Variants in MEIS2 observed in about 807,000 individuals in gnomAD.
MEIS2 encodes the protein Meis homeobox 2.
A neutral mutation model predicts 58.6 loss-of-function variants in MEIS2; 9 were observed. The ratio of observed to expected loss-of-function variants is 0.15; its 90% CI spans 0.09 to 0.27. The LOEUF (loss-of-function observed/expected upper bound fraction) is 0.27, where lower values mean the gene tolerates loss of function less well. Among genes scored for constraint, MEIS2 ranks in the 10% least tolerant of loss-of-function variants. The probability of loss-of-function intolerance (pLI) is 1.00; values close to 1 mark genes in which losing one functional copy is unlikely to be tolerated. For synonymous variants in MEIS2, 221 were observed against 228.4 expected (o/e 0.97, Z 0.29); for missense variants, 427 against 635.0 (o/e 0.67, Z 3.52).
intron 8 of MEIS2, among the ~76,000 whole-genome samples, chr15:37,030,357 T>G (rs1293869126): frequency 6.6e-6 from 1 of 151,970 alleles, no homozygotes; most frequent in Non-Finnish European, 1.5e-5. Context: ...TGAGGGGTAT[T>G]TCCATTTTTT....
chr15:37,040,892 A>T (rs2141755635), intron 7 of MEIS2, among the ~76,000 whole-genome samples: 1 of 152,332 alleles, frequency 6.6e-6, no homozygotes, highest in Middle Eastern at 3.4e-3. Context: ...TAATTTCAAC[A>T]ATTCCTTGGG....
chr15:36,943,670 C>G (rs906373554), intron 9 of MEIS2, among the ~76,000 whole-genome samples: 2 of 151,718 alleles, frequency 1.3e-5, no homozygotes, highest in African/African-American at 4.8e-5. Flanking sequence ...TTTTTTTCTC[C>G]CCTTATTGGC....
At chr15:37,096,150 G>A in intron 3 of MEIS2, 139 bp downstream of exon 3, 1 of 890,824 alleles carries the variant, frequency 1.1e-6, no homozygotes, top group Non-Finnish European at 1.7e-6. Context: ...TCAGGGATGG[G>A]GAGGAGGCGT....
rs201784040 is a variant in MEIS2, at chr15:37,013,572, C to CA, written c.900+23241dup. On this transcript the variant is annotated intron_variant, in intron 8 of 11. Transcript: ENST00000561208. The stretch of plus-strand genomic sequence containing the variant: ...GGGCAACAAGAGCAAAACTCCAACT[C>CA]AAAAAAAAAAATTATATATATATAT... Among the ~76,000 whole-genome samples the CA allele has an allele frequency of 3.3e-3, 446 of 135,608 alleles. 3 individuals are homozygous for CA. Among genetic ancestry groups the CA allele is most frequent in the African/African-American group, 6.3e-3 (232 of 36,626 alleles). 89.0% of individuals were successfully genotyped at this position (135,608 alleles called of 152,430 possible). A position where few individuals can be genotyped will look rare whatever the true frequency, so the allele number is the denominator to read the frequency against.
Position 36,931,476 on chromosome 15 carries a change from A to G in MEIS2, c.977+18848T>C, listed in dbSNP as rs549793666. Among the ~76,000 whole-genome samples the G allele has an allele frequency of 7.2e-5, 11 of 152,372 alleles. No individual in the cohort carries two copies. The South Asian group carries it at 2.3e-3, about 32-fold the overall frequency. On this transcript the variant is annotated intron_variant, in intron 9 of 11. Coordinates refer to ENST00000561208, the MANE Select transcript of MEIS2 (RefSeq NM_170675.5). The stretch of plus-strand genomic sequence containing the variant: ...GGAATGAAGCAGAAGTTTGTTCAAA[A>G]TAACACCAGCATAATCTTAATGGCA...
intron 7 of MEIS2, among the ~76,000 whole-genome samples, chr15:37,060,533 C>T (rs532394640): frequency 2.7e-4 from 41 of 151,992 alleles, no homozygotes; most frequent in African/African-American, 8.9e-4. Flanking sequence ...AACCCCTGAA[C>T]GTGTGCTCTA....
At chr15:37,099,296 G>T in intron 1 of MEIS2, 159 bp downstream of exon 1, 1 of 1,501,000 alleles carries the variant, frequency 6.7e-7, no homozygotes, top group African/African-American at 1.4e-5. Context: ...GCACGGGAGG[G>T]AAAGAAGCCG....
chr15:36,994,733 A>C lies in MEIS2; in HGVS notation c.900+42081T>G, dbSNP rs189115432. Among the ~76,000 whole-genome samples the C allele has an allele frequency of 2.0e-5, 3 of 152,320 alleles. No homozygotes were observed. The East Asian group carries it at 5.8e-4, about 29-fold the overall frequency. Reference sequence around the variant, plus strand: ...GCTTATACTGTGCATGTAGGTGTGCATTTATTTTCAAGCACAAACATGCAA... The same window carrying C: ...GCTTATACTGTGCATGTAGGTGTGCCTTTATTTTCAAGCACAAACATGCAA... On this transcript the variant is annotated intron_variant, in intron 8 of 11. Transcript: ENST00000561208.
intron 7 of MEIS2, among the ~76,000 whole-genome samples, chr15:37,051,697 C>T (rs187960270): frequency 6.6e-6 from 1 of 152,176 alleles, no homozygotes; most frequent in African/African-American, 2.4e-5. Flanking sequence ...GCATAAAACA[C>T]ATTTTGGTGG....
At chr15:37,020,461 A>C (rs775240231) in intron 8 of MEIS2, among the ~76,000 whole-genome samples, 4 of 152,128 alleles carry the variant, frequency 2.6e-5, no homozygotes, top group Non-Finnish European at 4.4e-5. Flanking sequence ...ATAAGAACTC[A>C]ATTTGTGGCT....
chr15:36,969,375 C>A (rs1176546200), intron 8 of MEIS2, among the ~76,000 whole-genome samples: 3 of 152,172 alleles, frequency 2.0e-5, no homozygotes, highest in Non-Finnish European at 2.9e-5. Flanking sequence ...AATTTCAAAA[C>A]CATCTGGAAC....
At chr15:36,938,775 C>T (rs1246478500) in intron 9 of MEIS2, among the ~76,000 whole-genome samples, 1 of 152,052 alleles carries the variant, frequency 6.6e-6, no homozygotes, top group Non-Finnish European at 1.5e-5. Flanking sequence ...TCACCCAGTC[C>T]CCATTCTCTT....
chr15:37,023,098 G>A (rs2061580221), intron 8 of MEIS2, among the ~76,000 whole-genome samples: 1 of 152,060 alleles, frequency 6.6e-6, no homozygotes, highest in Non-Finnish European at 1.5e-5. Flanking sequence ...GCATTCAAAA[G>A]CTCTTAATTT....
chr15:36,926,895 A>G (rs867072960), intron 9 of MEIS2, among the ~76,000 whole-genome samples: 3 of 152,232 alleles, frequency 2.0e-5, no homozygotes, highest in Non-Finnish European at 4.4e-5. Flanking sequence ...TAATCACATT[A>G]TAGTCACCTG....
chr15:37,005,825 C>T lies in MEIS2; in HGVS notation c.900+30989G>A, dbSNP rs182245369. On this transcript the variant is annotated intron_variant, in intron 8 of 11. Coordinates refer to ENST00000561208, the MANE Select transcript of MEIS2 (RefSeq NM_170675.5). ...CCGCCCTCCTTGGCTTCCCAAAGTC[C>T]TGGGATTACAGGTGTACGCCACTGG... Among the ~76,000 whole-genome samples, 480 of 152,308 alleles carry T rather than the reference C, an allele frequency of 3.2e-3. 1 individual carries two copies. The highest frequency in any genetic ancestry group is 0.011 in the African/African-American group (462 of 41,578).
chr15:37,022,455 C>T (rs962126589), intron 8 of MEIS2, among the ~76,000 whole-genome samples: 2 of 152,034 alleles, frequency 1.3e-5, no homozygotes, highest in Admixed American at 6.6e-5. Context: ...CACTATGTTC[C>T]CCAGGCTGGT....
chr15:36,973,140 C>G (rs1273327886), intron 8 of MEIS2, among the ~76,000 whole-genome samples: 1 of 152,122 alleles, frequency 6.6e-6, no homozygotes, highest in Non-Finnish European at 1.5e-5. Flanking sequence ...GACAATAATA[C>G]CTGCTTTACA....
intron 8 of MEIS2, among the ~76,000 whole-genome samples, chr15:37,031,970 C>G (rs1523193): frequency 0.052 from 7,973 of 151,938 alleles, 686 homozygotes; most frequent in African/African-American, 0.18. Flanking sequence ...TACTGAGTAG[C>G]AGGGACCACA....
Position 36,894,447 on chromosome 15 carries a change from T to C in MEIS2, c.1147+704A>G, listed in dbSNP as rs200313760. The C allele has an allele frequency of 1.7e-5, 4 of 236,476 alleles. No individual in the cohort carries two copies. The East Asian group carries it at 3.9e-4, about 23-fold the overall frequency. 14.6% of individuals were successfully genotyped at this position (236,476 alleles called of 1,614,324 possible). On this transcript the variant is annotated intron_variant, in intron 11 of 11. Coordinates refer to ENST00000561208, the MANE Select transcript of MEIS2 (RefSeq NM_170675.5). ...ATGTCCAATATCTGCCTGATGTCTG[T>C]GTTTGTGCACATTGGGGCCACAGTA...
Sources: gnomAD v4.1 joint callset for allele counts (sites outside exome capture counted in the v4.1 genomes callset) on GRCh38, gnomAD v4.1.1 for gene constraint, MANE v1.5 for transcripts, NCBI Gene and HGNC (gene_info 2026-07-23, HGNC 2026-07-21) for gene names.